Variants in MAP3K5 observed in about 807,000 individuals in gnomAD.
The protein encoded by MAP3K5 is mitogen-activated protein kinase kinase kinase 5, also known as ASK-1.
Under a neutral mutation model 158.7 loss-of-function variants are expected in MAP3K5, and 56 were observed. The observed-to-expected ratio is 0.35, with a 90% confidence interval of 0.28 to 0.44. The LOEUF is 0.44. Ranked by LOEUF, MAP3K5 falls within the 20% of genes least tolerant of loss-of-function variation. The pLI is 1.00. For synonymous variants in MAP3K5, 579 were observed against 601.7 expected, an observed-to-expected ratio of 0.96 and a Z score of 0.55; for missense variants, 1,294 against 1,674.8, an observed-to-expected ratio of 0.77 and a Z score of 3.97.
At chr6:136,608,808 G>A (rs1202786836) in intron 18 of MAP3K5, among the ~76,000 whole-genome samples, 1 of 152,192 alleles carries the variant, frequency 6.6e-6, no homozygotes, top group Non-Finnish European at 1.5e-5. Context: ...AGGTAACACA[G>A]TAAGCACTCC....
chr6:136,683,791 T>A (rs555569407), intron 7 of MAP3K5, among the ~76,000 whole-genome samples: 10 of 152,300 alleles, frequency 6.6e-5, no homozygotes, highest in Non-Finnish European at 1.3e-4. Context: ...TCTGGAAATG[T>A]CTATTCCTGG....
intron 25 of MAP3K5, among the ~76,000 whole-genome samples, chr6:136,570,993 G>A (rs1774335565): frequency 6.6e-6 from 1 of 152,132 alleles, no homozygotes; most frequent in African/African-American, 2.4e-5. Flanking sequence ...TGCCAATTCT[G>A]GAGAGAGTCC....
chr6:136,757,418 G>A (rs1478125687), intron 1 of MAP3K5, among the ~76,000 whole-genome samples: 1 of 152,092 alleles, frequency 6.6e-6, no homozygotes, highest in African/African-American at 2.4e-5. Context: ...TGGGAAGCAA[G>A]AATTTATGAG....
At chr6:136,784,203 A>G (rs1192353561) in intron 1 of MAP3K5, among the ~76,000 whole-genome samples, 1 of 152,192 alleles carries the variant, frequency 6.6e-6, no homozygotes, top group African/African-American at 2.4e-5. Flanking sequence ...GACCAAATTA[A>G]GGAAAGAAAC....
chr6:136,629,417 T>C (rs1272660575), intron 14 of MAP3K5: 1 of 152,162 alleles, frequency 6.6e-6, no homozygotes, highest in Non-Finnish European at 1.5e-5. Context: ...TACAAATATC[T>C]AGTGTGATGG....
intron 14 of MAP3K5, among the ~76,000 whole-genome samples, chr6:136,624,073 A>T (rs918714034): frequency 6.6e-6 from 1 of 152,154 alleles, no homozygotes; most frequent in Non-Finnish European, 1.5e-5. Flanking sequence ...GCACGCCTGT[A>T]ATCCCAATTA....
chr6:136,757,586 A>ATTTAT (rs1562679223), intron 1 of MAP3K5, among the ~76,000 whole-genome samples: 3 of 127,816 alleles, frequency 2.3e-5, no homozygotes, highest in African/African-American at 9.4e-5. Context: ...TTTATTTTTT[A>ATTTAT]TTTTTTTTTT....
chr6:136,656,133 GA>G (rs1190820984), intron 10 of MAP3K5, 173 bp downstream of exon 10: 1 of 574,558 alleles, frequency 1.7e-6, no homozygotes, highest in Non-Finnish European at 3.1e-6. Flanking sequence ...CTGATTTTGA[GA>G]AGTTATTTTT....
intron 1 of MAP3K5, among the ~76,000 whole-genome samples, chr6:136,730,155 T>TG (rs1229221225): frequency 4.0e-5 from 2 of 49,978 alleles, no homozygotes; most frequent in African/African-American, 1.3e-4. Flanking sequence ...GTTTGGTTGT[T>TG]TTTTTTTTTT....
In MAP3K5 at chr6:136,614,224, A is replaced by G; in HGVS notation, c.2213T>C (p.Val738Ala). 6.2e-7 allele frequency: 1 copy of G among 1,613,800 alleles called. No individual in the cohort carries two copies. Among genetic ancestry groups the G allele is most frequent in the Non-Finnish European group, 8.5e-7 (1 of 1,179,750 alleles). ...LHKHLKHKNI[V>A]QYLGSFSENG... ...CTCACTGAAAGAGCCCAGATACTGGACAATATTTTTGTGCTTCAGGTGTTT... is the reference window on the plus strand; with the variant it reads ...CTCACTGAAAGAGCCCAGATACTGGGCAATATTTTTGTGCTTCAGGTGTTT... The change falls in exon 16 of 30, where the codon GTC becomes GCC. Residue 738 changes from valine (V) to alanine (A), a missense_variant. Coordinates refer to ENST00000359015, the MANE Select transcript of MAP3K5 (RefSeq NM_005923.4).
At position 136,614,079 on chromosome 6, in the gene MAP3K5, C is replaced by A. The variant is rs181564413; in HGVS notation, c.2278+80G>T. On this transcript the variant is annotated intron_variant, in intron 16 of 29. Transcript: ENST00000359015. ...CAGTTTAGACAGATTAAGACCTGTA[C>A]GCTAGTAAATCCCATTCAATTTTAC... The A allele has an allele frequency of 1.8e-5, 27 of 1,489,204 alleles. No individual in the cohort carries two copies. In the Middle Eastern group the frequency reaches 5.4e-4, roughly 30 times the overall value. 92.2% of individuals were successfully genotyped at this position (1,489,204 alleles called of 1,614,324 possible). A position where few individuals can be genotyped will look rare whatever the true frequency, so the allele number is the denominator to read the frequency against.
chr6:136,710,143 G>A (rs1781247764), intron 2 of MAP3K5, among the ~76,000 whole-genome samples: 1 of 152,116 alleles, frequency 6.6e-6, no homozygotes, highest in African/African-American at 2.4e-5. Context: ...TAACAAATAA[G>A]ACCTTGAAAG....
chr6:136,767,173 GA>G (rs1282281398), intron 1 of MAP3K5, among the ~76,000 whole-genome samples: 1 of 152,162 alleles, frequency 6.6e-6, no homozygotes, highest in African/African-American at 2.4e-5. Context: ...TTTTAGGTAA[GA>G]GGTAGATAAG....
intron 12 of MAP3K5, among the ~76,000 whole-genome samples, chr6:136,641,032 T>C (rs143310056): frequency 6.6e-6 from 1 of 152,354 alleles, no homozygotes; most frequent in East Asian, 1.9e-4. Flanking sequence ...GGAAAACAGA[T>C]ATGATAAAGT....
At chr6:136,744,096 A>G (rs1486401098) in intron 1 of MAP3K5, among the ~76,000 whole-genome samples, 1 of 152,210 alleles carries the variant, frequency 6.6e-6, no homozygotes, top group Non-Finnish European at 1.5e-5. Flanking sequence ...GATACATGTC[A>G]TTATACATTT....
chr6:136,656,322 A>T lies in MAP3K5; in HGVS notation c.1665T>A (p.Thr555=), dbSNP rs774736167. ...FLVEATKTDV[T]VVRFPVLILE... ...GAGTACTCACTGGAAACCTAACCAC[A>T]GTAACATCTGTCTTTGTGGCCTCGA... Residue 555 remains threonine, a synonymous_variant, in exon 10 of 30, where the codon ACT becomes ACA. Coordinates refer to ENST00000359015, the MANE Select transcript of MAP3K5 (RefSeq NM_005923.4). 2 of 1,613,998 alleles carry T rather than the reference A, an allele frequency of 1.2e-6. No individual in the cohort carries two copies. The highest frequency in any genetic ancestry group is 1.7e-6 in the Non-Finnish European group (2 of 1,179,876).
intron 11 of MAP3K5, among the ~76,000 whole-genome samples, chr6:136,644,148 C>CTAAG (rs1162368684): frequency 6.6e-6 from 1 of 152,122 alleles, no homozygotes; most frequent in Non-Finnish European, 1.5e-5. Context: ...CTGGGAACAG[C>CTAAG]TAAGTAAAAA....
At chr6:136,675,502 T>C (rs1442460748) in intron 7 of MAP3K5, among the ~76,000 whole-genome samples, 1 of 152,056 alleles carries the variant, frequency 6.6e-6, no homozygotes, top group Non-Finnish European at 1.5e-5. Context: ...TATTTGGAAA[T>C]TGGGCAACTC....
chr6:136,691,712 T>A lies in MAP3K5; in HGVS notation c.1253+2428A>T, dbSNP rs556025831. Among the ~76,000 whole-genome samples the A allele has an allele frequency of 2.0e-5, 3 of 152,350 alleles. No homozygotes were observed. The East Asian group carries it at 5.8e-4, about 29-fold the overall frequency. ...CCTCTGCTTCAATTTCAATGATTTC[T>A]AATAATCTGTTTTGAAGTTTATTGC... On this transcript the variant is annotated intron_variant, in intron 7 of 29. Coordinates refer to ENST00000359015, the MANE Select transcript of MAP3K5 (RefSeq NM_005923.4).
Sources: allele counts gnomAD v4.1 joint callset (sites outside exome capture counted in the v4.1 genomes callset), GRCh38; gene constraint gnomAD v4.1.1; transcripts MANE v1.5; gene names NCBI Gene and HGNC (gene_info 2026-07-23, HGNC 2026-07-21).